The following ASMT variants were observed in gnomAD, a reference collection of about 807,000 sequenced individuals.
ASMT encodes the protein acetylserotonin O-methyltransferase.
ASMT carries 53 observed loss-of-function variants against 41.3 expected under a neutral mutation model. That is an observed-to-expected ratio of 1.28 (90% CI 1.03 to 1.61). The LOEUF (loss-of-function observed/expected upper bound fraction) is 1.61. ASMT is among the 40% of genes most tolerant of loss of function. The pLI, the probability that ASMT is intolerant of heterozygous loss-of-function variation, is 0.00. For synonymous variants in ASMT, 231 were observed against 184.8 expected (o/e 1.25, Z -2.03); for missense variants, 531 against 441.3 (o/e 1.20, Z -1.82).
intron 1 of ASMT, 147 bp from the exon 2 acceptor site, chrX:1,622,992 C>T: frequency 1.5e-6 from 1 of 667,784 alleles, no homozygotes; most frequent in Non-Finnish European, 2.5e-6. Context: ...TCATTTGACT[C>T]TGTCTCAAAA....
intron 5 of ASMT, among the ~76,000 whole-genome samples, chrX:1,631,383 C>A (rs1458700893): frequency 1.3e-5 from 2 of 151,848 alleles, no homozygotes; most frequent in African/African-American, 2.4e-5. Flanking sequence ...AAATCCCCAA[C>A]CCCGAGCTCA....
intron 3 of ASMT, 23 bp downstream of exon 3, chrX:1,624,421 T>C (rs375285858): frequency 6.4e-5 from 103 of 1,607,406 alleles, no homozygotes; most frequent in Non-Finnish European, 8.0e-5. Flanking sequence ...CCCAGGCAGA[T>C]GCTGGGAGGT....
chrX:1,628,598 C>T (rs1934647086), intron 4 of ASMT, among the ~76,000 whole-genome samples: 2 of 146,982 alleles, frequency 1.4e-5, no homozygotes, highest in African/African-American at 5.0e-5. Context: ...CTCCCCTGCT[C>T]TCCCCTCCCC....
chrX:1,633,762 C>T (rs1237168061), intron 7 of ASMT, among the ~76,000 whole-genome samples: 1 of 152,068 alleles, frequency 6.6e-6, no homozygotes, highest in East Asian at 1.9e-4. Flanking sequence ...CCTCAGCCTC[C>T]CAAGTAGCTG....
chrX:1,625,528 AGAAG>A (rs571574132), intron 3 of ASMT, among the ~76,000 whole-genome samples: 18 of 99,906 alleles, frequency 1.8e-4, no homozygotes, highest in African/African-American at 5.9e-4. Flanking sequence ...GAGAGAGGGG[AGAAG>A]GAAGGAAGGA....
chrX:1,630,172 C>T (rs765832829), intron 5 of ASMT, among the ~76,000 whole-genome samples: 11 of 152,192 alleles, frequency 7.2e-5, no homozygotes, highest in South Asian at 4.1e-4. Flanking sequence ...CTTGCTCCAT[C>T]GCCCAGGCTG....
At chrX:1,621,725 C>T (rs1379646649) in intron 1 of ASMT, among the ~76,000 whole-genome samples, 47 of 151,646 alleles carry the variant, frequency 3.1e-4, no homozygotes, top group Non-Finnish European at 5.7e-4. Context: ...GACGGAGTTT[C>T]GCTCTTGTTG....
At chrX:1,633,561 C>T (rs1934854296) in intron 7 of ASMT, among the ~76,000 whole-genome samples, 1 of 152,134 alleles carries the variant, frequency 6.6e-6, no homozygotes, top group African/African-American at 2.4e-5. Context: ...CTGCAACCTC[C>T]ACCTCCTGGG....
At chrX:1,621,083 G>C (rs192387216) in intron 1 of ASMT, among the ~76,000 whole-genome samples, 1 of 152,038 alleles carries the variant, frequency 6.6e-6, no homozygotes. Context: ...GTGACAGAGC[G>C]AGACTCCGTC....
intron 1 of ASMT, among the ~76,000 whole-genome samples, chrX:1,617,399 G>A (rs1237380547): frequency 6.6e-6 from 1 of 151,274 alleles, no homozygotes; most frequent in African/African-American, 2.4e-5. Context: ...GAACCCGGAG[G>A]AGGTAGAGGT....
chrX:1,617,408 G>C (rs1287563582), intron 1 of ASMT, among the ~76,000 whole-genome samples: 1 of 151,190 alleles, frequency 6.6e-6, no homozygotes, highest in East Asian at 2.0e-4. Context: ...GGAGGTAGAG[G>C]TTGCAGTGAG....
intron 5 of ASMT, 69 bp downstream of exon 5, chrX:1,630,008 T>A (rs1218357589): frequency 1.5e-6 from 2 of 1,330,704 alleles, no homozygotes; most frequent in African/African-American, 2.9e-5. Flanking sequence ...GTGTTATTCA[T>A]GTCTTTTATT....
At chrX:1,619,549 TATA>T (rs745727836) in intron 1 of ASMT, among the ~76,000 whole-genome samples, 16,661 of 129,636 alleles carry the variant, frequency 0.13, 1,120 homozygotes, top group East Asian at 0.4. Flanking sequence ...GAACTTAAAG[TATA>T]ATAATAATAA....
chrX:1,631,463 C>T (rs1207959345), intron 5 of ASMT, among the ~76,000 whole-genome samples: 12 of 152,160 alleles, frequency 7.9e-5, no homozygotes, highest in Non-Finnish European at 1.8e-4. Context: ...CCCTATCTCC[C>T]TCCTGTGACT....
chrX:1,620,093 AAAATAAATAAAT>A (rs767892895), intron 1 of ASMT, among the ~76,000 whole-genome samples: 7 of 151,040 alleles, frequency 4.6e-5, no homozygotes, highest in African/African-American at 1.2e-4. Context: ...ACTCCGTCTC[AAAATAAATAAAT>A]AAATAAATAA....
intron 1 of ASMT, among the ~76,000 whole-genome samples, chrX:1,622,014 G>A (rs1274996720): frequency 8.5e-5 from 12 of 141,962 alleles, no homozygotes; most frequent in East Asian, 2.2e-4. Context: ...TTTTTGAGAC[G>A]GAGTCTCACT....
intron 7 of ASMT, among the ~76,000 whole-genome samples, chrX:1,634,548 A>T (rs1320391931): frequency 6.6e-6 from 1 of 152,162 alleles, no homozygotes; most frequent in African/African-American, 2.4e-5. Context: ...CTGAACAAAG[A>T]TACCCTTGTG....
chrX:1,629,774 C>T (rs760378228), intron 4 of ASMT, 47 bp from the exon 5 acceptor site: 37 of 1,570,732 alleles, frequency 2.4e-5, no homozygotes, highest in Middle Eastern at 3.3e-4. Flanking sequence ...GCTCTGGGCA[C>T]GTCCCCAGAT....
chrX:1,620,417 C>T (rs1420603175), intron 1 of ASMT, among the ~76,000 whole-genome samples: 4 of 151,780 alleles, frequency 2.6e-5, no homozygotes, highest in African/African-American at 9.7e-5. Flanking sequence ...ATCTGCCTGC[C>T]TTGGCCTCCC....
Sources: allele counts gnomAD v4.1 joint callset (sites outside exome capture counted in the v4.1 genomes callset), GRCh38; gene constraint gnomAD v4.1.1; transcripts MANE v1.5; gene names NCBI Gene and HGNC (gene_info 2026-07-23, HGNC 2026-07-21).